PAIP2B: variants seen among roughly 807,000 people sequenced by gnomAD.
The protein encoded by PAIP2B is polyadenylate-binding protein-interacting protein 2B.
PAIP2B carries 13 observed loss-of-function variants against 17.0 expected under a neutral mutation model. That is an observed-to-expected ratio of 0.76 (90% CI 0.50 to 1.22). The LOEUF (loss-of-function observed/expected upper bound fraction) is 1.22. PAIP2B is among the 50% of genes most tolerant of loss of function. The probability of loss-of-function intolerance (pLI) is 0.00; values close to 1 mark genes in which losing one functional copy is unlikely to be tolerated. For synonymous variants in PAIP2B, 43 were observed against 48.7 expected, an observed-to-expected ratio of 0.88 and a Z score of 0.48; for missense variants, 117 against 144.5, an observed-to-expected ratio of 0.81 and a Z score of 0.98.
At chr2:71,223,639 A>G (rs1318064110) in intron 1 of PAIP2B, among the ~76,000 whole-genome samples, 2 of 151,938 alleles carry the variant, frequency 1.3e-5, no homozygotes, top group African/African-American at 4.8e-5. Context: ...GGGTTCCACC[A>G]TCCTGGACAG....
chr2:71,206,874 T>A (rs938684488), intron 1 of PAIP2B, among the ~76,000 whole-genome samples: 4 of 152,244 alleles, frequency 2.6e-5, no homozygotes, highest in African/African-American at 9.6e-5. Flanking sequence ...CTTCCTTCAG[T>A]CTGGTTAATA....
intron 2 of PAIP2B, among the ~76,000 whole-genome samples, chr2:71,199,038 G>A (rs987215812): frequency 6.6e-6 from 1 of 151,748 alleles, no homozygotes; most frequent in Non-Finnish European, 1.5e-5. Flanking sequence ...TGATAAAGCA[G>A]TAGCAGGGTT....
chr2:71,210,594 C>G (rs1349301311), intron 1 of PAIP2B, among the ~76,000 whole-genome samples: 2 of 152,074 alleles, frequency 1.3e-5, no homozygotes, highest in Non-Finnish European at 2.9e-5. Context: ...AAGAAGCTTT[C>G]AAAAACATAT....
intron 2 of PAIP2B, among the ~76,000 whole-genome samples, chr2:71,192,774 T>A (rs1331872047): frequency 6.6e-6 from 1 of 152,234 alleles, no homozygotes; most frequent in Admixed American, 6.5e-5. Flanking sequence ...AATCTCATTA[T>A]TTTTTATGGC....
At chr2:71,191,169 C>T (rs566603818) in intron 2 of PAIP2B, among the ~76,000 whole-genome samples, 1 of 152,192 alleles carries the variant, frequency 6.6e-6, no homozygotes, top group African/African-American at 2.4e-5. Context: ...ACTAGCACCA[C>T]CACCAGAAAT....
intron 1 of PAIP2B, among the ~76,000 whole-genome samples, chr2:71,222,175 A>C (rs1675599370): frequency 6.6e-6 from 1 of 152,174 alleles, no homozygotes; most frequent in South Asian, 2.1e-4. Flanking sequence ...GAGACCGTGA[A>C]CCCACAGGCA....
intron 2 of PAIP2B, among the ~76,000 whole-genome samples, chr2:71,198,982 T>G (rs1674903867): frequency 6.6e-6 from 1 of 152,186 alleles, no homozygotes; most frequent in Non-Finnish European, 1.5e-5. Context: ...CTGAACACTG[T>G]GGAAATGACA....
At position 71,225,768 on chromosome 2, in the gene PAIP2B, A is replaced by G. The variant is rs577129255; in HGVS notation, c.-12+1160T>C. The stretch of plus-strand genomic sequence containing the variant: ...GCACAGCATAGTTTGTACTGTTATC[A>G]AAAAACATATGGCTAGAACCGACAT... On this transcript the variant is annotated intron_variant, in intron 1 of 3. Transcript: ENST00000244221. Among the ~76,000 whole-genome samples, 251 of 152,338 alleles carry G rather than the reference A, an allele frequency of 1.6e-3. 1 individual carries two copies. The highest frequency in any genetic ancestry group is 5.8e-3 in the African/African-American group (242 of 41,576).
chr2:71,218,987 C>G (rs1675505863), intron 1 of PAIP2B, among the ~76,000 whole-genome samples: 1 of 149,126 alleles, frequency 6.7e-6, no homozygotes, highest in African/African-American at 2.5e-5. Flanking sequence ...GCGATCTTGG[C>G]TCACTGCAAG....
At chr2:71,207,739 G>A (rs1675172284) in intron 1 of PAIP2B, among the ~76,000 whole-genome samples, 1 of 152,090 alleles carries the variant, frequency 6.6e-6, no homozygotes, top group African/African-American at 2.4e-5. Context: ...AACTAGATGT[G>A]GGGAGTCAGA....
chr2:71,205,703 T>C (rs769594626), intron 1 of PAIP2B, among the ~76,000 whole-genome samples: 1 of 152,218 alleles, frequency 6.6e-6, no homozygotes, highest in Non-Finnish European at 1.5e-5. Context: ...TCTCTAGTCA[T>C]TCCATTTCAC....
Position 71,186,373 on chromosome 2 carries a change from T to C in PAIP2B, c.*2106A>G. 6.6e-6 allele frequency: 1 copy of C among 152,282 alleles called. No individual in the cohort carries two copies. Among genetic ancestry groups the C allele is most frequent in the African/African-American group, 2.4e-5 (1 of 41,472 alleles). The allele number at this position is 152,282 out of a possible 1,614,324, so 9.4% of individuals were successfully genotyped here. A position where few individuals can be genotyped will look rare whatever the true frequency, so the allele number is the denominator to read the frequency against. The stretch of plus-strand genomic sequence containing the variant: ...CTGCTTCCTATACCTGGAGTCAGTA[T>C]GTTCAGTGTCTGAAGAAGACTAGAA... On this transcript the variant is annotated 3_prime_UTR_variant, in exon 4 of 4. Transcript: ENST00000244221.
intron 1 of PAIP2B, among the ~76,000 whole-genome samples, chr2:71,225,055 ATTGATTGG>A (rs1270723995): frequency 1.3e-5 from 2 of 152,032 alleles, no homozygotes; most frequent in African/African-American, 4.8e-5. Context: ...AGTGTAATTG[ATTGATTGG>A]TTGATTGACT....
At chr2:71,203,964 C>T (rs141844580) in intron 1 of PAIP2B, among the ~76,000 whole-genome samples, 3,519 of 152,150 alleles carry the variant, frequency 0.023, 48 homozygotes, top group Non-Finnish European at 0.029. Context: ...TCATCTAAAT[C>T]TTAACAATTC....
chr2:71,192,810 T>C (rs1015273630), intron 2 of PAIP2B, among the ~76,000 whole-genome samples: 10 of 152,382 alleles, frequency 6.6e-5, no homozygotes, highest in African/African-American at 1.9e-4. Flanking sequence ...GGTGTATATG[T>C]ACCACATTTT....
At chr2:71,193,752 G>T (rs1275411301) in intron 2 of PAIP2B, among the ~76,000 whole-genome samples, 1 of 152,140 alleles carries the variant, frequency 6.6e-6, no homozygotes, top group Non-Finnish European at 1.5e-5. Context: ...TACTCTGGAG[G>T]CTGAGGCAGG....
chr2:71,198,758 T>C (rs1051081677), intron 2 of PAIP2B, among the ~76,000 whole-genome samples: 1 of 152,228 alleles, frequency 6.6e-6, no homozygotes, highest in Non-Finnish European at 1.5e-5. Flanking sequence ...AGTTCTGAGA[T>C]TCTTTCCTCA....
rs1267611186 is a variant in PAIP2B, at chr2:71,208,805, G to A, written c.-11-6205C>T. 2.6e-5 allele frequency among the ~76,000 whole-genome samples: 4 copies of A among 152,138 alleles called. No homozygotes were observed. The East Asian group carries it at 7.7e-4, about 29-fold the overall frequency. ...GAGGAGGAGGCAATGTGACCATGGA[G>A]GCAGAGATTGGAGTGGTGTGGCCAC... On this transcript the variant is annotated intron_variant, in intron 1 of 3. Transcript: ENST00000244221.
At chr2:71,212,552 A>G (rs1052615568) in intron 1 of PAIP2B, among the ~76,000 whole-genome samples, 1 of 152,200 alleles carries the variant, frequency 6.6e-6, no homozygotes, top group African/African-American at 2.4e-5. Context: ...GTTATTCCCC[A>G]CAGTCAGTGA....
Sources: gnomAD v4.1 joint callset for allele counts (sites outside exome capture counted in the v4.1 genomes callset) on GRCh38, gnomAD v4.1.1 for gene constraint, MANE v1.5 for transcripts, NCBI Gene and HGNC (gene_info 2026-07-23, HGNC 2026-07-21) for gene names.